SLC27A5: variants seen among roughly 807,000 people sequenced by gnomAD.
SLC27A5 encodes long-chain fatty acid transport protein 5.
Under a neutral mutation model 63.1 loss-of-function variants are expected in SLC27A5, and 47 were observed. That is an observed-to-expected ratio of 0.74 (90% CI 0.59 to 0.95). SLC27A5 has a LOEUF of 0.95. Among genes scored for constraint, SLC27A5 ranks in the 40% least tolerant of loss-of-function variants. The pLI is 0.00. For missense variants in SLC27A5, 940 were observed against 921.0 expected (o/e 1.02, Z -0.27); for synonymous variants, 391 against 403.8 (o/e 0.97, Z 0.38).
chr19:58,501,868 G>A (rs2053277472), intron 3 of SLC27A5, among the ~76,000 whole-genome samples: 1 of 152,066 alleles, frequency 6.6e-6, no homozygotes, highest in Non-Finnish European at 1.5e-5. Flanking sequence ...GTACAGACGG[G>A]GTTTCACCAT....
chr19:58,500,434 G>A lies in SLC27A5; in HGVS notation c.1378-5C>T. On this transcript the variant is annotated splice_region_variant and splice_polypyrimidine_tract_variant and intron_variant, in intron 5 of 9. Transcript: ENST00000263093. The stretch of plus-strand genomic sequence containing the variant: ...CAGCTCAAAGGGGGACAGCATCTGG[G>A]GTGGAGGGTGGAGTGTTGACATAGG... 6.2e-7 allele frequency: 1 copy of A among 1,613,824 alleles called. No individual in the cohort carries two copies. The highest frequency in any genetic ancestry group is 8.5e-7 in the Non-Finnish European group (1 of 1,179,986).
intron 7 of SLC27A5, 59 bp from the exon 8 acceptor site, chr19:58,499,279 TTG>T: frequency 6.5e-7 from 1 of 1,526,766 alleles, no homozygotes; most frequent in Non-Finnish European, 8.9e-7. Flanking sequence ...GCCCCGCCTC[TTG>T]CCCCCGCCCC....
In SLC27A5 at chr19:58,509,959, C is replaced by T. The variant is rs370687843; in HGVS notation, c.945G>A (p.Met315Ile). The T allele has an allele frequency of 1.3e-5, 21 of 1,613,942 alleles. No homozygotes were observed. Among genetic ancestry groups the T allele is most frequent in the Admixed American group, 1.7e-5 (1 of 59,994 alleles). Residue 315 changes from methionine to isoleucine, a missense_variant, in exon 3 of 10, where the codon ATG (methionine) becomes ATA (isoleucine). Met to Ile is a conservative substitution (Grantham distance 10, BLOSUM62 1). Coordinates refer to ENST00000263093, the MANE Select transcript of SLC27A5 (RefSeq NM_012254.3). ...AILTHERVLQ[M>I]SKMLSLSGAT... Reference sequence around the variant, plus strand: ...CCCCAGATAAGGACAGCATCTTGCTCATCTGCAGTACCCGCTCATGCGTGA... The same window carrying T: ...CCCCAGATAAGGACAGCATCTTGCTTATCTGCAGTACCCGCTCATGCGTGA...
At position 58,511,447 on chromosome 19, in the gene SLC27A5, C is replaced by T; in HGVS notation, c.509G>A (p.Cys170Tyr). ...KAELGDPASL[C>Y]AGEPTALLVL... The stretch of plus-strand genomic sequence containing the variant: ...AAGGAGGGCAGTAGGCTCCCCGGCA[C>T]ACAGGCTCGCAGGGTCACCCAGCTC... The change falls in exon 1 of 10, where the codon TGT (cysteine) becomes TAT (tyrosine). Residue 170 changes from cysteine to tyrosine, a missense_variant. By Grantham distance (194) the Cys-to-Tyr change is radical. Transcript: ENST00000263093. 6.3e-7 allele frequency: 1 copy of T among 1,596,194 alleles called. No homozygotes were observed. The highest frequency in any genetic ancestry group is 8.5e-7 in the Non-Finnish European group (1 of 1,171,968).
intron 3 of SLC27A5, 134 bp from the exon 4 acceptor site, chr19:58,501,544 GC>G: frequency 1.0e-6 from 1 of 979,624 alleles, no homozygotes; most frequent in Non-Finnish European, 1.5e-6. Flanking sequence ...TGTGTCCTTG[GC>G]CCAGCCAGGA....
chr19:58,511,414 G>C lies in SLC27A5; in HGVS notation c.542C>G (p.Ala181Gly), dbSNP rs2053409485. The change falls in exon 1 of 10, where the codon GCT becomes GGT. Residue 181 changes from alanine (A) to glycine (G), a missense_variant. Physicochemically the swap from Ala to Gly is moderately conservative, Grantham distance 60 (BLOSUM62 0). Coordinates refer to ENST00000263093, the MANE Select transcript of SLC27A5 (RefSeq NM_012254.3). ...ACACAGGGCTGGAACGGCCTGGGAA[G>C]CCAGCACAAGGAGGGCAGTAGGCTC... ...AGEPTALLVL[A>G]SQAVPALCMW... The C allele has an allele frequency of 6.2e-7, 1 of 1,607,232 alleles. No homozygotes were observed. The highest frequency in any genetic ancestry group is 1.7e-5 in the Admixed American group (1 of 59,182).
chr19:58,510,888 G>C lies in SLC27A5; in HGVS notation c.731C>G (p.Ala244Gly). ...GAGGTAGAAGCAGCGGATGTTCTCA[G>C]CCTGCAGCTTGGGAAGGATCTCCTC... Reference protein sequence around the residue: ...SLEEILPKLQAENIRCFYLSH... With the variant: ...SLEEILPKLQGENIRCFYLSH... The change falls in exon 2 of 10, where the codon GCT becomes GGT. Residue 244 changes from alanine to glycine, a missense_variant. Ala to Gly is a moderately conservative substitution (Grantham distance 60). Transcript: ENST00000263093. The C allele has an allele frequency of 6.2e-7, 1 of 1,612,214 alleles. No individual in the cohort carries two copies.
chr19:58,500,721 C>A lies in SLC27A5; in HGVS notation c.1183-15G>T. On this transcript the variant is annotated splice_polypyrimidine_tract_variant and intron_variant, in intron 4 of 9. Transcript: ENST00000263093. The stretch of plus-strand genomic sequence containing the variant: ...TCCTCTGGTTGCTACAGGAATGTCC[C>A]CAGAAGGGTGAGGAGGAGGTGCTCT... The A allele has an allele frequency of 6.2e-7, 1 of 1,605,838 alleles. No individual in the cohort carries two copies.
At chr19:58,507,762 G>A (rs1328120747) in intron 3 of SLC27A5, 1 of 152,070 alleles carries the variant, frequency 6.6e-6, no homozygotes, top group Admixed American at 6.6e-5. Context: ...ATTCCTGGGG[G>A]GAGGTCTATA....
Position 58,511,905 on chromosome 19 carries a change from G to GAGCAGGAGC in SLC27A5, c.42_50dup (p.Leu15_Leu17dup). On this transcript the variant is annotated inframe_insertion, in exon 1 of 10. Coordinates refer to ENST00000263093, the MANE Select transcript of SLC27A5 (RefSeq NM_012254.3). ...GCCACACTGGCTGCCCCAGGCCCCA[G>GAGCAGGAGC]AGCAGGAGCAGCAGCAGCAGCAGCA... 3 of 1,547,998 alleles carry GAGCAGGAGC rather than the reference G, an allele frequency of 1.9e-6. No individual in the cohort carries two copies. The highest frequency in any genetic ancestry group is 1.2e-5 in the South Asian group (1 of 84,076).
In SLC27A5 at chr19:58,499,533, TTCGCGG is replaced by T. The variant is rs2053248732; in HGVS notation, c.1620_1625del (p.Asp540_Arg541del). ...GGCGGTCGCGGAAGTAGAGGAAGCC[TTCGCGG>T]TCCATGGCCAGTACGTCCCCGGTGT... On this transcript the variant is annotated inframe_deletion, in exon 7 of 10. Coordinates refer to ENST00000263093, the MANE Select transcript of SLC27A5 (RefSeq NM_012254.3). 1.2e-6 allele frequency: 2 copies of T among 1,612,802 alleles called. No individual in the cohort carries two copies. The highest frequency in any genetic ancestry group is 1.7e-6 in the Non-Finnish European group (2 of 1,179,994).
Position 58,498,528 on chromosome 19 carries a change from G to A in SLC27A5, c.2060C>T (p.Thr687Ile). The change falls in exon 10 of 10, where the codon ACC becomes ATC. Residue 687 changes from threonine (T) to isoleucine (I), a missense_variant. Physicochemically the swap from Thr to Ile is moderately conservative, Grantham distance 89. Transcript: ENST00000263093. ...AEMYQAVCEGTWRL is the reference protein window; with the variant it reads ...AEMYQAVCEGIWRL Reference sequence around the variant, plus strand: ...TTGGCCAGGTGATCAGAGCCTCCAGGTTCCCTCACACACAGCCTGGTACAT... The same window carrying A: ...TTGGCCAGGTGATCAGAGCCTCCAGATTCCCTCACACACAGCCTGGTACAT... 1 of 1,612,074 alleles carries A rather than the reference G, an allele frequency of 6.2e-7. No individual in the cohort carries two copies. Among genetic ancestry groups the A allele is most frequent in the Non-Finnish European group, 8.5e-7 (1 of 1,178,664 alleles).
At position 58,498,471 on chromosome 19, in the gene SLC27A5, G is replaced by A; in HGVS notation, c.*44C>T. 6.4e-7 allele frequency: 1 copy of A among 1,561,564 alleles called. No homozygotes were observed. Among genetic ancestry groups the A allele is most frequent in the South Asian group, 1.2e-5 (1 of 84,544 alleles). On this transcript the variant is annotated 3_prime_UTR_variant, in exon 10 of 10. Coordinates refer to ENST00000263093, the MANE Select transcript of SLC27A5 (RefSeq NM_012254.3). ...AGGGACACCGAGTGTGTTGGGGTGGGGGTGGCTGGCTTTGATCCCTACCCC... is the reference window on the plus strand; with the variant it reads ...AGGGACACCGAGTGTGTTGGGGTGGAGGTGGCTGGCTTTGATCCCTACCCC...
intron 3 of SLC27A5, among the ~76,000 whole-genome samples, chr19:58,505,956 G>T (rs1180498134): frequency 5.3e-5 from 8 of 151,196 alleles, no homozygotes; most frequent in African/African-American, 1.9e-4. Flanking sequence ...TTCGAGACCA[G>T]CCTGGCCAAC....
chr19:58,501,951 T>C (rs2053278521), intron 3 of SLC27A5, among the ~76,000 whole-genome samples: 1 of 152,250 alleles, frequency 6.6e-6, no homozygotes, highest in Non-Finnish European at 1.5e-5. Context: ...GTGCTGTGAT[T>C]ACAGGCATGA....
intron 6 of SLC27A5, 74 bp downstream of exon 6, chr19:58,500,265 A>G: frequency 7.9e-7 from 1 of 1,261,012 alleles, no homozygotes; most frequent in East Asian, 2.3e-5. Context: ...GCTTTTGAGC[A>G]GCTCGTTCCA....
At position 58,510,081 on chromosome 19, in the gene SLC27A5, T is replaced by TTTGGGAGGCCGAGGCGGG. The variant is rs2122527013; in HGVS notation, c.899-77_899-76insCCCGCCTCGGCCTCCCAA. The stretch of plus-strand genomic sequence containing the variant: ...AGGGGCCTGACCAGAGGGATAGATC[T>TTTGGGAGGCCGAGGCGGG]CCAACAGCCAGGCCTACATTGGGGT... On this transcript the variant is annotated intron_variant, in intron 2 of 9. Transcript: ENST00000263093. 3 of 1,454,092 alleles carry TTTGGGAGGCCGAGGCGGG rather than the reference T, an allele frequency of 2.1e-6. No individual in the cohort carries two copies. In the South Asian group the frequency reaches 3.9e-5, roughly 19 times the overall value. 90.1% of individuals were successfully genotyped at this position (1,454,092 alleles called of 1,614,324 possible). A position where few individuals can be genotyped will look rare whatever the true frequency, so the allele number is the denominator to read the frequency against.
At position 58,500,513 on chromosome 19, in the gene SLC27A5, C is replaced by A. The variant is rs762312130; in HGVS notation, c.1376G>T (p.Arg459Leu). The change falls in exon 5 of 10, where the codon CGA becomes CTA. Residue 459 changes from arginine (R) to leucine (L), a missense_variant and splice_region_variant. By Grantham distance (102) the Arg-to-Leu change is moderately radical (BLOSUM62 -2). Coordinates refer to ENST00000263093, the MANE Select transcript of SLC27A5 (RefSeq NM_012254.3). ...CACACCAGGTACCCGCACACTCACTCGGAGGAGGCAGCTCATCTTGCCCAG... is the reference window on the plus strand; with the variant it reads ...CACACCAGGTACCCGCACACTCACTAGGAGGAGGCAGCTCATCTTGCCCAG... Reference protein sequence around the residue: ...GALGKMSCLLRMLSPFELVQF... With the variant: ...GALGKMSCLLLMLSPFELVQF... 6.2e-7 allele frequency: 1 copy of A among 1,613,910 alleles called. No homozygotes were observed. Among genetic ancestry groups the A allele is most frequent in the Non-Finnish European group, 8.5e-7 (1 of 1,179,944 alleles).
chr19:58,500,161 A>G (rs1161879660), intron 6 of SLC27A5, among the ~76,000 whole-genome samples, 178 bp downstream of exon 6: 1 of 151,952 alleles, frequency 6.6e-6, no homozygotes, highest in East Asian at 1.9e-4. Context: ...AGAGCCGAGA[A>G]GCTGAGGCGG....
Sources: allele counts gnomAD v4.1 joint callset (sites outside exome capture counted in the v4.1 genomes callset), GRCh38; gene constraint gnomAD v4.1.1; transcripts MANE v1.5; gene names NCBI Gene and HGNC (gene_info 2026-07-23, HGNC 2026-07-21).